The following CARMIL1 variants were observed in gnomAD, a reference collection of about 807,000 sequenced individuals.
CARMIL1 encodes F-actin-uncapping protein LRRC16A.
In CARMIL1, 90 loss-of-function variants were observed where a neutral mutation model predicts 177.1. That is an observed-to-expected ratio of 0.51 (90% confidence interval 0.43 to 0.61). CARMIL1 has a LOEUF of 0.61. Ranked by LOEUF, CARMIL1 falls within the 20% of genes least tolerant of loss-of-function variation. The pLI, the probability that CARMIL1 is intolerant of heterozygous loss-of-function variation, is 0.00. For synonymous variants in CARMIL1, 577 were observed against 606.2 expected, an observed-to-expected ratio of 0.95 and a Z score of 0.71; for missense variants, 1,380 against 1,667.0, an observed-to-expected ratio of 0.83 and a Z score of 3.00.
intron 2 of CARMIL1, among the ~76,000 whole-genome samples, chr6:25,378,988 T>C (rs1411773830): frequency 6.6e-6 from 1 of 152,058 alleles, no homozygotes; most frequent in Non-Finnish European, 1.5e-5. Flanking sequence ...TTGGTCAGAC[T>C]CCTGGCTCAG....
intron 24 of CARMIL1, among the ~76,000 whole-genome samples, chr6:25,537,147 C>T (rs1050139068): frequency 2.6e-5 from 4 of 151,994 alleles, no homozygotes; most frequent in Non-Finnish European, 4.4e-5. Context: ...TGTTTATATC[C>T]GTAAAACAAT....
intron 2 of CARMIL1, among the ~76,000 whole-genome samples, chr6:25,300,685 A>G (rs972425834): frequency 1.3e-5 from 2 of 152,234 alleles, no homozygotes; most frequent in African/African-American, 2.4e-5. Context: ...ATCAAAGCAT[A>G]GGAGACCTAT....
At chr6:25,303,805 A>G (rs556018635) in intron 2 of CARMIL1, among the ~76,000 whole-genome samples, 2 of 152,366 alleles carry the variant, frequency 1.3e-5, no homozygotes, top group Non-Finnish European at 1.5e-5. Context: ...TCCATTTAAC[A>G]ATCATTCAGC....
chr6:25,536,594 T>C (rs2151121856), intron 24 of CARMIL1, among the ~76,000 whole-genome samples: 1 of 152,292 alleles, frequency 6.6e-6, no homozygotes, highest in African/African-American at 2.4e-5. Flanking sequence ...TTGAATTGTC[T>C]TCATAACACA....
At chr6:25,414,990 A>G (rs947879209) in intron 2 of CARMIL1, among the ~76,000 whole-genome samples, 1 of 152,186 alleles carries the variant, frequency 6.6e-6, no homozygotes, top group Non-Finnish European at 1.5e-5. Flanking sequence ...ACTTTTAAAG[A>G]AAGGGAGTTG....
chr6:25,615,885 A>G (rs1816849195), intron 36 of CARMIL1, among the ~76,000 whole-genome samples: 2 of 152,244 alleles, frequency 1.3e-5, no homozygotes, highest in Admixed American at 6.5e-5. Context: ...TTCTGCATTT[A>G]TATGCATATT....
intron 2 of CARMIL1, among the ~76,000 whole-genome samples, chr6:25,336,277 C>G (rs1043704194): frequency 6.6e-6 from 1 of 152,134 alleles, no homozygotes; most frequent in Non-Finnish European, 1.5e-5. Flanking sequence ...TCCCTCCATG[C>G]TTGTAGGTTG....
At chr6:25,408,278 C>A (rs1485845248) in intron 2 of CARMIL1, among the ~76,000 whole-genome samples, 1 of 143,740 alleles carries the variant, frequency 7.0e-6, no homozygotes, top group African/African-American at 2.6e-5. Flanking sequence ...ACAGTAAAAG[C>A]CTGTCTCTTA....
At chr6:25,354,983 A>C (rs1159836386) in intron 2 of CARMIL1, among the ~76,000 whole-genome samples, 1 of 152,176 alleles carries the variant, frequency 6.6e-6, no homozygotes, top group Non-Finnish European at 1.5e-5. Context: ...CATCCTGATC[A>C]AGCTGGCGAG....
At chr6:25,586,473 G>C (rs1304545815) in intron 31 of CARMIL1, among the ~76,000 whole-genome samples, 1 of 147,960 alleles carries the variant, frequency 6.8e-6, no homozygotes, top group East Asian at 2.0e-4. Context: ...TTCCCAGACT[G>C]GGCGGGTGGG....
At chr6:25,286,080 C>T (rs1192736381) in intron 2 of CARMIL1, among the ~76,000 whole-genome samples, 3 of 152,296 alleles carry the variant, frequency 2.0e-5, no homozygotes, top group East Asian at 1.9e-4. Context: ...CCTGTATTCC[C>T]GAGGCTGGTC....
At chr6:25,433,987 TATAG>T (rs1318959756) in intron 4 of CARMIL1, among the ~76,000 whole-genome samples, 2 of 152,228 alleles carry the variant, frequency 1.3e-5, no homozygotes, top group African/African-American at 4.8e-5. Context: ...CATATTTTTG[TATAG>T]ATAAAGTAAG....
chr6:25,574,406 TTC>T (rs1224544778), intron 29 of CARMIL1, among the ~76,000 whole-genome samples: 2 of 152,204 alleles, frequency 1.3e-5, no homozygotes, highest in African/African-American at 4.8e-5. Context: ...GTGCAAGAGC[TTC>T]TCTCTCTTAT....
chr6:25,388,912 G>A (rs1417775833), intron 2 of CARMIL1, among the ~76,000 whole-genome samples: 1 of 151,860 alleles, frequency 6.6e-6, no homozygotes, highest in African/African-American at 2.4e-5. Flanking sequence ...TGAATTCATG[G>A]CCTCAAGCGA....
At chr6:25,486,085 C>A (rs544088990) in intron 12 of CARMIL1, among the ~76,000 whole-genome samples, 1 of 152,096 alleles carries the variant, frequency 6.6e-6, no homozygotes, top group East Asian at 1.9e-4. Flanking sequence ...CATCTGGTAC[C>A]ACCTTTTTCC....
At chr6:25,511,076 T>A (rs1383278862) in intron 20 of CARMIL1, among the ~76,000 whole-genome samples, 1 of 152,152 alleles carries the variant, frequency 6.6e-6, no homozygotes, top group Non-Finnish European at 1.5e-5. Context: ...TAAACTAATC[T>A]TCAGGCATGA....
chr6:25,430,503 C>T (rs145018906), intron 4 of CARMIL1, among the ~76,000 whole-genome samples: 35 of 151,274 alleles, frequency 2.3e-4, no homozygotes, highest in African/African-American at 7.8e-4. Flanking sequence ...AATCTCAGCT[C>T]ATGGCAACCT....
At chr6:25,603,749 G>C (rs1815655427) in intron 33 of CARMIL1, among the ~76,000 whole-genome samples, 1 of 152,062 alleles carries the variant, frequency 6.6e-6, no homozygotes, top group African/African-American at 2.4e-5. Context: ...ATAATTCTTA[G>C]ATGTTATGAA....
At position 25,554,377 on chromosome 6, in the gene CARMIL1, T is replaced by A. The variant is rs1193439001; in HGVS notation, c.2592+281T>A. 6.6e-6 allele frequency among the ~76,000 whole-genome samples: 1 copy of A among 152,184 alleles called. No individual in the cohort carries two copies. The highest frequency in any genetic ancestry group is 2.4e-5 in the African/African-American group (1 of 41,462). ...AAAGGTCAAAAGCTTGGGGAAGAAA[T>A]GTTGAGACTGAAGTCTGAAATTAAC... On this transcript the variant is annotated intron_variant, in intron 28 of 36. Transcript: ENST00000329474. The surrounding 1 kb of genome is among the most constrained non-coding windows in gnomAD (Gnocchi z 4.6).
Sources: allele counts gnomAD v4.1 joint callset (sites outside exome capture counted in the v4.1 genomes callset), GRCh38; gene constraint gnomAD v4.1.1; non-coding constraint Gnocchi (gnomAD v3.1); transcripts MANE v1.5; gene names NCBI Gene and HGNC (gene_info 2026-07-23, HGNC 2026-07-21).